Variants in INTS2 observed in about 807,000 individuals in gnomAD.
The protein encoded by INTS2 is KIAA1287.
In INTS2, 57 loss-of-function variants were observed where a neutral mutation model predicts 139.6. That is an observed-to-expected ratio of 0.41 (90% CI 0.33 to 0.51). The LOEUF is 0.51. Ranked by LOEUF, INTS2 falls within the 20% of genes least tolerant of loss-of-function variation. The probability of loss-of-function intolerance (pLI) is 0.28; values close to 1 mark genes in which losing one functional copy is unlikely to be tolerated. For synonymous variants in INTS2, 473 were observed against 493.4 expected, an observed-to-expected ratio of 0.96 and a Z score of 0.55; for missense variants, 1,196 against 1,436.7, an observed-to-expected ratio of 0.83 and a Z score of 2.71.
rs1413852490 is a variant in INTS2, at chr17:61,876,820, G to A, written c.2456+1067C>T. Among the ~76,000 whole-genome samples the A allele has an allele frequency of 6.6e-6, 1 of 152,032 alleles. No individual in the cohort carries two copies. The highest frequency in any genetic ancestry group is 1.5e-5 in the Non-Finnish European group (1 of 68,004). ...AATTTCCCCTCAATAATGAAGCTTG[G>A]GGATGAATTAGTTATTGGTTATTGA... On this transcript the variant is annotated intron_variant, in intron 18 of 24. Coordinates refer to ENST00000251334, the MANE Select transcript of INTS2 (RefSeq NM_001351695.2). The surrounding 1 kb of genome is among the most constrained non-coding windows in gnomAD (Gnocchi z 4.1).
At chr17:61,905,271 A>G (rs973428967) in intron 8 of INTS2, among the ~76,000 whole-genome samples, 1 of 152,228 alleles carries the variant, frequency 6.6e-6, no homozygotes, top group African/African-American at 2.4e-5. Flanking sequence ...GGTAAAACTA[A>G]TATTTTTATA....
chr17:61,893,524 G>A lies in INTS2; in HGVS notation c.1698+241C>T, dbSNP rs1419276370. On this transcript the variant is annotated intron_variant, in intron 13 of 24. Coordinates refer to ENST00000251334, the MANE Select transcript of INTS2 (RefSeq NM_001351695.2). The surrounding 1 kb of genome is among the most constrained non-coding windows in gnomAD (Gnocchi z 5.4). ...CAGCCAGCCAACACGGTGAAACCCTGTCTCTACTAAAAATACAAAAATTAG... is the reference window on the plus strand; with the variant it reads ...CAGCCAGCCAACACGGTGAAACCCTATCTCTACTAAAAATACAAAAATTAG... Among the ~76,000 whole-genome samples the A allele has an allele frequency of 6.6e-6, 1 of 151,992 alleles. No individual in the cohort carries two copies. The highest frequency in any genetic ancestry group is 1.5e-5 in the Non-Finnish European group (1 of 68,016).
rs780849350 is a variant in INTS2, at chr17:61,926,407, A to G, written c.238T>C (p.Leu80=). Residue 80 remains leucine (L), a synonymous_variant, in exon 2 of 25, where the codon TTG becomes CTG. Coordinates refer to ENST00000251334, the MANE Select transcript of INTS2 (RefSeq NM_001351695.2). The part of the protein sequence containing the change: ...VEAVNSIVAL[L]SVDFHALEQD... ...TCTAAAGCATGAAAGTCCACGGACA[A>G]CAATGCAACAATGGAGTTGACAGCT... 1.9e-6 allele frequency: 3 copies of G among 1,613,126 alleles called. No homozygotes were observed. Among genetic ancestry groups the G allele is most frequent in the South Asian group, 1.1e-5 (1 of 91,058 alleles).
chr17:61,917,761 C>T (rs1289912111), intron 5 of INTS2, among the ~76,000 whole-genome samples: 1 of 151,932 alleles, frequency 6.6e-6, no homozygotes, highest in Non-Finnish European at 1.5e-5. Context: ...TGCACATGTA[C>T]CCCCCTGAAT....
At chr17:61,896,324 CA>C (rs990090224) in intron 11 of INTS2, among the ~76,000 whole-genome samples, 1 of 148,602 alleles carries the variant, frequency 6.7e-6, no homozygotes, top group African/African-American at 2.5e-5. Flanking sequence ...AGTTAAATGG[CA>C]AAAAATACTG....
chr17:61,922,878 G>GGTC, intron 3 of INTS2, among the ~76,000 whole-genome samples: 1 of 151,940 alleles, frequency 6.6e-6, no homozygotes, highest in South Asian at 2.1e-4. Context: ...AGGAGTTCGA[G>GGTC]ACCAGCCTGG....
chr17:61,896,391 T>C (rs2079349889), intron 11 of INTS2, among the ~76,000 whole-genome samples: 2 of 152,080 alleles, frequency 1.3e-5, no homozygotes, highest in South Asian at 4.1e-4. Context: ...CTATAAGATA[T>C]GTCACTGATT....
In INTS2 at chr17:61,909,815, A is replaced by ATG. The variant is rs765163741; in HGVS notation, c.954+1703_954+1704dup. ...TATACATATATACGTGTGTGTGTAC[A>ATG]TGTGTGTATGTGTGTGTGTGTGTGT... On this transcript the variant is annotated intron_variant, in intron 7 of 24. Coordinates refer to ENST00000251334, the MANE Select transcript of INTS2 (RefSeq NM_001351695.2). This position sits in a 1 kb window ranked among gnomAD's most constrained non-coding sequence, Gnocchi z 4.9. Among the ~76,000 whole-genome samples the ATG allele has an allele frequency of 3.1e-3, 226 of 72,550 alleles. No homozygotes were observed. The highest frequency in any genetic ancestry group is 9.5e-3 in the African/African-American group (196 of 20,656). 47.6% of individuals were successfully genotyped at this position (72,550 alleles called of 152,430 possible). A position where few individuals can be genotyped will look rare whatever the true frequency, so the allele number is the denominator to read the frequency against.
Position 61,869,589 on chromosome 17 carries a change from C to T in INTS2, c.3030+148G>A. 9.8e-7 allele frequency: 1 copy of T among 1,015,736 alleles called. No individual in the cohort carries two copies. Among genetic ancestry groups the T allele is most frequent in the Non-Finnish European group, 1.4e-6 (1 of 702,554 alleles). 62.9% of individuals were successfully genotyped at this position (1,015,736 alleles called of 1,614,324 possible). A position where few individuals can be genotyped will look rare whatever the true frequency, so the allele number is the denominator to read the frequency against. On this transcript the variant is annotated intron_variant, in intron 21 of 24. Coordinates refer to ENST00000251334, the MANE Select transcript of INTS2 (RefSeq NM_001351695.2). The surrounding 1 kb of genome is among the most constrained non-coding windows in gnomAD (Gnocchi z 5.4). ...TTCATTAGGTTAAAAAAAAAAACAA[C>T]TAAAAATCTGGATTTTTCTCCATAT...
Position 61,907,352 on chromosome 17 carries a change from G to A in INTS2, c.1181+56C>T, listed in dbSNP as rs1196240858. ...AAAGGCCTTTGGCTCACTTTCTTGA[G>A]AATAGAAACAAGAAGGTAAAATGAC... On this transcript the variant is annotated intron_variant, in intron 8 of 24. Transcript: ENST00000251334. 2.8e-6 allele frequency: 4 copies of A among 1,424,688 alleles called. 1 individual carries two copies. The African/African-American group carries it at 4.3e-5, about 15-fold the overall frequency. 88.3% of individuals were successfully genotyped at this position (1,424,688 alleles called of 1,614,324 possible).
intron 4 of INTS2, 91 bp from the exon 5 acceptor site, chr17:61,919,604 T>C: frequency 1.5e-6 from 1 of 685,436 alleles, no homozygotes; most frequent in East Asian, 2.8e-5. Flanking sequence ...GGAGACTGAA[T>C]CTCACTGTGT....
At chr17:61,898,094 A>G (rs2079367690) in intron 9 of INTS2, among the ~76,000 whole-genome samples, 1 of 152,174 alleles carries the variant, frequency 6.6e-6, no homozygotes, top group South Asian at 2.1e-4. Context: ...TTCATATAGA[A>G]AAAAATCTAG....
rs772932153 is a variant in INTS2, at chr17:61,921,714, C to G, written c.535+11G>C. On this transcript the variant is annotated intron_variant, in intron 4 of 24. Coordinates refer to ENST00000251334, the MANE Select transcript of INTS2 (RefSeq NM_001351695.2). ...TATATATGAAATCCATCTTAGCACTCAGTACAGTACCTGCTTGTAAAATAC... is the reference window on the plus strand; with the variant it reads ...TATATATGAAATCCATCTTAGCACTGAGTACAGTACCTGCTTGTAAAATAC... The G allele has an allele frequency of 7.2e-7, 1 of 1,381,984 alleles. No individual in the cohort carries two copies. 85.6% of individuals were successfully genotyped at this position (1,381,984 alleles called of 1,614,324 possible).
At chr17:61,923,502 AC>A (rs1424168617) in intron 3 of INTS2, among the ~76,000 whole-genome samples, 2 of 150,718 alleles carry the variant, frequency 1.3e-5, no homozygotes, top group Non-Finnish European at 3.0e-5. Context: ...AAAAAAAAAA[AC>A]TATCTAAAAC....
rs1472505213 is a variant in INTS2 at position 61,872,907 on chromosome 17, G to A, written c.2583-447C>T. 1.3e-5 allele frequency among the ~76,000 whole-genome samples: 2 copies of A among 152,074 alleles called. No individual in the cohort carries two copies. The highest frequency in any genetic ancestry group is 4.8e-5 in the African/African-American group (2 of 41,416). Reference sequence around the variant, plus strand: ...CTAATAAGAATATAAATTAAAATGGGAATCTATTTTCACCTATCAAATTGG... The same window carrying A: ...CTAATAAGAATATAAATTAAAATGGAAATCTATTTTCACCTATCAAATTGG... On this transcript the variant is annotated intron_variant, in intron 19 of 24. Coordinates refer to ENST00000251334, the MANE Select transcript of INTS2 (RefSeq NM_001351695.2). The surrounding 1 kb of genome is among the most constrained non-coding windows in gnomAD (Gnocchi z 4.8).
intron 19 of INTS2, 36 bp downstream of exon 19, chr17:61,874,877 G>A (rs202116090): frequency 1.1e-4 from 162 of 1,497,054 alleles, no homozygotes; most frequent in Admixed American, 1.6e-4. Context: ...CCAAAGTACA[G>A]CTCTATAATA....
Position 61,885,249 on chromosome 17 carries a change from T to C in INTS2, c.1985-244A>G, listed in dbSNP as rs2079215393. On this transcript the variant is annotated intron_variant, in intron 15 of 24. Transcript: ENST00000251334. Reference sequence around the variant, plus strand: ...TTAAAACTAGACAGAAGAAAATTCATAACAGGTTGAGAGAAGCCATGTGCA... The same window carrying C: ...TTAAAACTAGACAGAAGAAAATTCACAACAGGTTGAGAGAAGCCATGTGCA... The C allele has an allele frequency of 1.0e-5, 5 of 502,124 alleles. No homozygotes were observed. In the Admixed American group the frequency reaches 1.1e-4, roughly 11 times the overall value. 31.1% of individuals were successfully genotyped at this position (502,124 alleles called of 1,614,324 possible). A position where few individuals can be genotyped will look rare whatever the true frequency, so the allele number is the denominator to read the frequency against.
intron 9 of INTS2, among the ~76,000 whole-genome samples, chr17:61,898,058 A>C (rs747182128): frequency 5.9e-5 from 9 of 152,190 alleles, no homozygotes; most frequent in Non-Finnish European, 1.0e-4. Context: ...ACTTGTTAAA[A>C]CAACTACACA....
intron 5 of INTS2, among the ~76,000 whole-genome samples, chr17:61,918,494 G>A (rs1467393850): frequency 2.0e-5 from 3 of 151,886 alleles, no homozygotes; most frequent in Non-Finnish European, 2.9e-5. Context: ...CACCCACCTC[G>A]GCCTCCCCAA....
Sources: allele counts gnomAD v4.1 joint callset (sites outside exome capture counted in the v4.1 genomes callset), GRCh38; gene constraint gnomAD v4.1.1; non-coding constraint Gnocchi (gnomAD v3.1); transcripts MANE v1.5; gene names NCBI Gene and HGNC (gene_info 2026-07-23, HGNC 2026-07-21).